TDRD10: variants seen among roughly 807,000 people sequenced by gnomAD.
TDRD10 encodes the protein tudor domain containing 10.
A neutral mutation model predicts 48.0 loss-of-function variants in TDRD10; 40 were observed. The ratio of observed to expected loss-of-function variants is 0.83; its 90% CI spans 0.65 to 1.09. The LOEUF (loss-of-function observed/expected upper bound fraction) is 1.09, where lower values mean the gene tolerates loss of function less well. Among genes scored for constraint, TDRD10 ranks in the 50% least tolerant of loss-of-function variants. The pLI is 0.00. For missense variants in TDRD10, 378 were observed against 434.7 expected (o/e 0.87, Z 1.16); for synonymous variants, 162 against 170.4 (o/e 0.95, Z 0.38).
At chr1:154,508,158 A>C (rs1428428525) in intron 3 of TDRD10, among the ~76,000 whole-genome samples, 1 of 152,160 alleles carries the variant, frequency 6.6e-6, no homozygotes, top group African/African-American at 2.4e-5. Context: ...ATAGCCATTC[A>C]GTGTTCATGG....
At chr1:154,545,764 A>G (rs1695515195) in intron 11 of TDRD10, among the ~76,000 whole-genome samples, 2 of 146,060 alleles carry the variant, frequency 1.4e-5, no homozygotes, top group Admixed American at 1.4e-4. Flanking sequence ...TTATAGACAA[A>G]CTAAGTCTTT....
chr1:154,527,517 A>G (rs1694377583), intron 6 of TDRD10, among the ~76,000 whole-genome samples: 1 of 152,226 alleles, frequency 6.6e-6, no homozygotes, highest in Non-Finnish European at 1.5e-5. Context: ...TGAAAGGCAA[A>G]ACTTAAAAAC....
At chr1:154,539,122 C>T (rs1321299846) in intron 6 of TDRD10, among the ~76,000 whole-genome samples, 1 of 152,166 alleles carries the variant, frequency 6.6e-6, no homozygotes, top group Non-Finnish European at 1.5e-5. Context: ...ACTCTTGAAT[C>T]CGCACTTGTA....
At chr1:154,511,227 C>T (rs1693452986) in intron 4 of TDRD10, among the ~76,000 whole-genome samples, 1 of 151,810 alleles carries the variant, frequency 6.6e-6, no homozygotes, top group Non-Finnish European at 1.5e-5. Context: ...ACCTCAGCCT[C>T]CTATGTAGCT....
intron 9 of TDRD10, 112 bp from the exon 10 acceptor site, chr1:154,544,260 T>TA (rs1557838298): frequency 6.5e-7 from 1 of 1,542,106 alleles, no homozygotes; most frequent in Non-Finnish European, 8.8e-7. Context: ...TCCCACCTCA[T>TA]ACCTGATGGC....
chr1:154,505,638 A>T (rs75456865), intron 1 of TDRD10, among the ~76,000 whole-genome samples: 3,399 of 152,326 alleles, frequency 0.022, 63 homozygotes, highest in Non-Finnish European at 0.037. Context: ...TCCCTTTAAA[A>T]TGACTTTGAC....
At chr1:154,524,830 C>T (rs943962063) in intron 6 of TDRD10, among the ~76,000 whole-genome samples, 1 of 152,132 alleles carries the variant, frequency 6.6e-6, no homozygotes, top group Non-Finnish European at 1.5e-5. Flanking sequence ...ACCTTCACAG[C>T]GACTGTTCTC....
intron 6 of TDRD10, among the ~76,000 whole-genome samples, chr1:154,536,591 C>T (rs192611886): frequency 2.0e-5 from 3 of 152,170 alleles, no homozygotes; most frequent in Non-Finnish European, 4.4e-5. Flanking sequence ...TACAGCTTGA[C>T]GAATTTTGAC....
chr1:154,547,901 T>TGTC lies in TDRD10; in HGVS notation c.*192_*194dup. ...AGAGAGTGAAGTCTCATTTGTCATG[T>TGTC]GTCTTCAGTTCCCCAACTTGGCATG... On this transcript the variant is annotated 3_prime_UTR_variant, in exon 13 of 13. Transcript: ENST00000368482. 1.6e-6 allele frequency: 1 copy of TGTC among 643,916 alleles called. No homozygotes were observed. Among genetic ancestry groups the TGTC allele is most frequent in the South Asian group, 2.0e-5 (1 of 50,708 alleles). The allele number at this position is 643,916 out of a possible 1,614,324, so 39.9% of individuals were successfully genotyped here. A position where few individuals can be genotyped will look rare whatever the true frequency, so the allele number is the denominator to read the frequency against.
At chr1:154,533,050 A>G (rs1423973436) in intron 6 of TDRD10, among the ~76,000 whole-genome samples, 3 of 152,032 alleles carry the variant, frequency 2.0e-5, no homozygotes, top group African/African-American at 7.2e-5. Context: ...AGTGGTTTCT[A>G]TTGACACCCA....
intron 3 of TDRD10, 148 bp from the exon 4 acceptor site, chr1:154,508,275 G>A: frequency 1.5e-6 from 1 of 650,306 alleles, no homozygotes; most frequent in Admixed American, 2.6e-5. Context: ...AGGACTTTGG[G>A]AGACTGAGGT....
chr1:154,525,601 T>C (rs1425473255), intron 6 of TDRD10, among the ~76,000 whole-genome samples: 1 of 152,012 alleles, frequency 6.6e-6, no homozygotes, highest in East Asian at 1.9e-4. Context: ...AAATAGGAAG[T>C]AGACATTAAT....
At position 154,520,370 on chromosome 1, in the gene TDRD10, A is replaced by C. The variant is rs1693993260; in HGVS notation, c.208A>C (p.Lys70Gln). ...TGTCCACAAAATCCAGAATGGCTGCAAATGGTAATGACTGTTCTTTCTTTG... is the reference window on the plus strand; with the variant it reads ...TGTCCACAAAATCCAGAATGGCTGCCAATGGTAATGACTGTTCTTTCTTTG... Reference protein sequence around the residue: ...LDVHKIQNGCKCFAFVDLGSM... With the variant: ...LDVHKIQNGCQCFAFVDLGSM... The change falls in exon 5 of 13, where the codon AAA becomes CAA. Residue 70 changes from lysine (K) to glutamine (Q), a missense_variant. Lys to Gln is a moderately conservative substitution (Grantham distance 53). Coordinates refer to ENST00000368482, the MANE Select transcript of TDRD10 (RefSeq NM_182499.4). 2 of 1,612,832 alleles carry C rather than the reference A, an allele frequency of 1.2e-6. No individual in the cohort carries two copies. The highest frequency in any genetic ancestry group is 2.7e-5 in the African/African-American group (2 of 74,906).
At chr1:154,528,214 TAAAA>T (rs56022323) in intron 6 of TDRD10, among the ~76,000 whole-genome samples, 12 of 144,842 alleles carry the variant, frequency 8.3e-5, no homozygotes, top group African/African-American at 2.8e-4. Flanking sequence ...CCTCGTCTCT[TAAAA>T]AAAAAAAAAA....
intron 6 of TDRD10, among the ~76,000 whole-genome samples, chr1:154,536,441 TAATG>T (rs1337624747): frequency 6.6e-6 from 1 of 152,186 alleles, no homozygotes; most frequent in Non-Finnish European, 1.5e-5. Flanking sequence ...AGTCACATAA[TAATG>T]AGAACACTGG....
chr1:154,518,652 A>G (rs1193764945), intron 4 of TDRD10, among the ~76,000 whole-genome samples: 3 of 152,076 alleles, frequency 2.0e-5, no homozygotes, highest in Non-Finnish European at 4.4e-5. Context: ...GATGGTCTCT[A>G]TCTCCTGACC....
rs558258131 is a variant in TDRD10, at chr1:154,537,141, C to T, written c.370-4883C>T. Among the ~76,000 whole-genome samples the T allele has an allele frequency of 1.5e-3, 234 of 152,266 alleles. 1 individual carries two copies. Among genetic ancestry groups the T allele is most frequent in the African/African-American group, 5.3e-3 (219 of 41,564 alleles). ...TAGGGTTTGCTGTCTCCCTTCATTC[C>T]GGGCTCCACTCAGCAGTCACCACCT... On this transcript the variant is annotated intron_variant, in intron 6 of 12. Transcript: ENST00000368482.
intron 6 of TDRD10, among the ~76,000 whole-genome samples, chr1:154,533,718 G>A (rs1489125023): frequency 2.0e-5 from 3 of 151,822 alleles, no homozygotes; most frequent in South Asian, 4.2e-4. Flanking sequence ...ACTTACTGCA[G>A]CCTCGAACTC....
At chr1:154,526,729 A>G (rs1694336063) in intron 6 of TDRD10, among the ~76,000 whole-genome samples, 1 of 151,928 alleles carries the variant, frequency 6.6e-6, no homozygotes, top group Non-Finnish European at 1.5e-5. Context: ...CTGGGATTAC[A>G]GGTGTGAGCC....
Sources: allele counts gnomAD v4.1 joint callset (sites outside exome capture counted in the v4.1 genomes callset), GRCh38; gene constraint gnomAD v4.1.1; transcripts MANE v1.5; gene names NCBI Gene and HGNC (gene_info 2026-07-23, HGNC 2026-07-21).